Variants in PKD1L3 observed in about 807,000 individuals in gnomAD.
PKD1L3 encodes polycystin 1 like 3, transient receptor potential channel interacting, also known as polycystin-1-like protein 3.
A neutral mutation model predicts 184.1 loss-of-function variants in PKD1L3; 239 were observed. The ratio of observed to expected loss-of-function variants is 1.30; its 90% CI spans 1.17 to 1.45. The LOEUF (loss-of-function observed/expected upper bound fraction) is 1.45. PKD1L3 is among the 40% of genes most tolerant of loss of function. The pLI, the probability that PKD1L3 is intolerant of heterozygous loss-of-function variation, is 0.00. For synonymous variants in PKD1L3, 996 were observed against 778.8 expected, an observed-to-expected ratio of 1.28 and a Z score of -4.64; for missense variants, 2,660 against 2,067.2, an observed-to-expected ratio of 1.29 and a Z score of -5.56.
Position 71,951,628 on chromosome 16 carries a change from G to C in PKD1L3, c.3126C>G (p.Ser1042Arg). The C allele has an allele frequency of 1.9e-6, 3 of 1,551,816 alleles. No homozygotes were observed. The highest frequency in any genetic ancestry group is 1.2e-5 in the South Asian group (1 of 84,058). The change falls in exon 19 of 30, where the codon AGC becomes AGG. Residue 1042 changes from serine (S) to arginine (R), a missense_variant. By Grantham distance (110) the Ser-to-Arg change is moderately radical. Transcript: ENST00000620267. Reference protein sequence around the residue: ...DITKLVKLLSSLVSSHLEGQG... With the variant: ...DITKLVKLLSRLVSSHLEGQG... ...GACCCTCCAAGTGAGATGATACGAG[G>C]CTGGATAAAAGTTTCACCAGCTTAG...
intron 7 of PKD1L3, 22 bp from the exon 8 acceptor site, chr16:71,980,156 G>A: frequency 6.5e-7 from 1 of 1,549,720 alleles, no homozygotes; most frequent in Non-Finnish European, 8.7e-7. Context: ...GGAAAACAGT[G>A]TGTGACTTGT....
At chr16:71,992,790 ACTT>A (rs2040640443) in intron 3 of PKD1L3, among the ~76,000 whole-genome samples, 1 of 152,136 alleles carries the variant, frequency 6.6e-6, no homozygotes, top group Admixed American at 6.5e-5. Context: ...GATCTGTTTC[ACTT>A]CTTTCTTTCA....
At chr16:71,968,071 C>T (rs1224119290) in intron 13 of PKD1L3, 64 bp from the exon 14 acceptor site, 7 of 1,332,488 alleles carry the variant, frequency 5.3e-6, no homozygotes, top group South Asian at 3.9e-5. Flanking sequence ...CTGCCTCCTC[C>T]AGCTGAGGAG....
chr16:71,948,499 G>T (rs2038704660), intron 21 of PKD1L3, among the ~76,000 whole-genome samples: 1 of 152,090 alleles, frequency 6.6e-6, no homozygotes, highest in Non-Finnish European at 1.5e-5. Context: ...AGGATTACAG[G>T]CATGAGCCAC....
At position 71,999,810 on chromosome 16, in the gene PKD1L3, A is replaced by G. The variant is rs771789542; in HGVS notation, c.169T>C (p.Phe57Leu). The change falls in exon 1 of 30, where the codon TTC becomes CTC. Residue 57 changes from phenylalanine (F) to leucine (L), a missense_variant. Coordinates refer to ENST00000620267, the MANE Select transcript of PKD1L3 (RefSeq NM_181536.2). The part of the protein sequence containing the change: ...AQHYCHVQRG[F>L]LAHIWNKEVQ... Reference sequence around the variant, plus strand: ...TCCTTGTTCCAAATATGAGCTAGGAATCCTCTCTGCACATGACAGTAATGC... The same window carrying G: ...TCCTTGTTCCAAATATGAGCTAGGAGTCCTCTCTGCACATGACAGTAATGC... The G allele has an allele frequency of 3.9e-6, 6 of 1,551,636 alleles. No individual in the cohort carries two copies. The African/African-American group carries it at 8.2e-5, about 21-fold the overall frequency.
At chr16:71,952,231 G>A (rs1182316695) in intron 18 of PKD1L3, among the ~76,000 whole-genome samples, 32 of 117,588 alleles carry the variant, frequency 2.7e-4, no homozygotes, top group Admixed American at 1.2e-3. Context: ...TTTTTGAGAC[G>A]GAGTCTTGCT....
rs1405086987 is a variant in PKD1L3 at position 71,978,534 on chromosome 16, CATACATACT to C, written c.1399-160_1399-152del. Among the ~76,000 whole-genome samples, 4 of 108,256 alleles carry C rather than the reference CATACATACT, an allele frequency of 3.7e-5. No homozygotes were observed. The East Asian group carries it at 8.2e-4, about 22-fold the overall frequency. The allele number at this position is 108,256 out of a possible 152,430, so 71.0% of individuals were successfully genotyped here. A position where few individuals can be genotyped will look rare whatever the true frequency, so the allele number is the denominator to read the frequency against. On this transcript the variant is annotated intron_variant, in intron 9 of 29. Transcript: ENST00000620267. ...ATATATATATATACATACATACATACATACATACTTTTTTTTTTTTTTTGAGAAAGAGTC... is the reference window on the plus strand; with the variant it reads ...ATATATATATATACATACATACATACTTTTTTTTTTTTTTGAGAAAGAGTC...
chr16:71,959,414 A>C (rs889007634), intron 16 of PKD1L3, among the ~76,000 whole-genome samples: 1 of 152,192 alleles, frequency 6.6e-6, no homozygotes, highest in African/African-American at 2.4e-5. Flanking sequence ...CCGTCTCAAA[A>C]ACCAACCAAC....
intron 16 of PKD1L3, among the ~76,000 whole-genome samples, chr16:71,958,364 GCGA>G (rs2039130743): frequency 2.1e-5 from 3 of 141,764 alleles, no homozygotes; most frequent in African/African-American, 7.8e-5. Context: ...TCCAGCCTGG[GCGA>G]CAGAGCGAGA....
intron 3 of PKD1L3, 140 bp downstream of exon 3, chr16:71,993,076 A>T (rs1469335592): frequency 3.6e-6 from 2 of 561,836 alleles, no homozygotes; most frequent in Non-Finnish European, 5.9e-6. Context: ...AGACTGCCAT[A>T]TTAAGATCAG....
chr16:71,972,246 A>G (rs926251731), intron 12 of PKD1L3, among the ~76,000 whole-genome samples: 1 of 151,464 alleles, frequency 6.6e-6, no homozygotes, highest in Non-Finnish European at 1.5e-5. Flanking sequence ...AAAAAAAACA[A>G]TAATTAGCTG....
intron 25 of PKD1L3, among the ~76,000 whole-genome samples, chr16:71,936,514 T>C (rs1037389033): frequency 2.0e-4 from 29 of 143,002 alleles, no homozygotes; most frequent in African/African-American, 7.7e-4. Context: ...ATCACTTTTT[T>C]TTTTCTTTTT....
Position 71,967,215 on chromosome 16 carries a change from A to T in PKD1L3, c.2387T>A (p.Leu796His), listed in dbSNP as rs1279412417. The change falls in exon 15 of 30, where the codon CTT becomes CAT. Residue 796 changes from leucine (L) to histidine (H), a missense_variant. Transcript: ENST00000620267. ...CCCTAGAGAGGTCCAAGTGGTGAGA[A>T]GGAAGACATCCAGGCCCCCTCGTTC... ...VFERGGLDVF[L>H]LTTWTSLGNL... 1 of 1,551,594 alleles carries T rather than the reference A, an allele frequency of 6.4e-7. No individual in the cohort carries two copies. Among genetic ancestry groups the T allele is most frequent in the African/African-American group, 1.4e-5 (1 of 73,060 alleles).
intron 3 of PKD1L3, among the ~76,000 whole-genome samples, chr16:71,991,794 A>G (rs2040600439): frequency 6.6e-6 from 1 of 152,224 alleles, no homozygotes; most frequent in Non-Finnish European, 1.5e-5. Context: ...TAACCTAGAT[A>G]CACACTGAGA....
At chr16:71,940,837 A>C (rs984940985) in intron 24 of PKD1L3, among the ~76,000 whole-genome samples, 1 of 63,596 alleles carries the variant, frequency 1.6e-5, no homozygotes, top group Non-Finnish European at 2.8e-5. Context: ...TTTGCTTTTT[A>C]TTGCCTTTTT....
At chr16:71,954,764 C>A (rs1327489516) in intron 16 of PKD1L3, among the ~76,000 whole-genome samples, 2 of 152,040 alleles carry the variant, frequency 1.3e-5, no homozygotes, top group Non-Finnish European at 2.9e-5. Flanking sequence ...CAAAATAAAC[C>A]TTTTCTGAGG....
intron 7 of PKD1L3, among the ~76,000 whole-genome samples, chr16:71,981,742 T>C (rs879881621): frequency 6.6e-6 from 1 of 152,082 alleles, no homozygotes; most frequent in Admixed American, 6.6e-5. Context: ...AGTTTCGCCA[T>C]GTGGGCCAGG....
rs775881644 is a variant in PKD1L3, at chr16:71,980,123, G to C, written c.1155C>G (p.Ile385Met). Residue 385 changes from isoleucine (I) to methionine (M), a missense_variant, in exon 8 of 30, where the codon ATC becomes ATG. By Grantham distance (10) the Ile-to-Met change is conservative. Coordinates refer to ENST00000620267, the MANE Select transcript of PKD1L3 (RefSeq NM_181536.2). ...CAAACTCCACCAAGGACATTTCCAG[G>C]ATGTCTTCTACCTGCATGGAAAGGA... is the stretch of plus-strand genomic sequence containing the variant. ...SKRHTEPVED[I>M]LEMSLVEFGN... is the part of the protein sequence containing the mutation. 6.4e-7 allele frequency: 1 copy of C among 1,551,426 alleles called. No homozygotes were observed. The highest frequency in any genetic ancestry group is 1.4e-5 in the African/African-American group (1 of 73,034).
chr16:71,997,409 A>AG (rs1491576915), intron 2 of PKD1L3, among the ~76,000 whole-genome samples: 1 of 126,364 alleles, frequency 7.9e-6, no homozygotes, highest in Non-Finnish European at 1.6e-5. Context: ...CAACATAACA[A>AG]GACCCCCCCC....
Sources: gnomAD v4.1 joint callset for allele counts (sites outside exome capture counted in the v4.1 genomes callset) on GRCh38, gnomAD v4.1.1 for gene constraint, MANE v1.5 for transcripts, NCBI Gene and HGNC (gene_info 2026-07-23, HGNC 2026-07-21) for gene names.